The following DIAPH3 variants were observed in gnomAD, a reference collection of about 807,000 sequenced individuals.
The protein encoded by DIAPH3 is diaphanous related formin 3, also known as protein diaphanous homolog 3.
Under a neutral mutation model 144.3 loss-of-function variants are expected in DIAPH3, and 117 were observed. That is an observed-to-expected ratio of 0.81 (90% CI 0.70 to 0.95). DIAPH3 has a LOEUF of 0.95. DIAPH3 is among the 40% of genes least tolerant of loss of function. DIAPH3 has a pLI of 0.00. For missense variants in DIAPH3, 1,421 were observed against 1,412.7 expected (o/e 1.01, Z -0.09); for synonymous variants, 519 against 488.9 (o/e 1.06, Z -0.81).
chr13:60,058,197 A>C (rs1434121454), intron 4 of DIAPH3, among the ~76,000 whole-genome samples: 1 of 151,852 alleles, frequency 6.6e-6, no homozygotes, highest in Non-Finnish European at 1.5e-5. Context: ...AAAAAAAAAA[A>C]CCAGATAATT....
At chr13:59,929,958 T>C (rs2047943750) in intron 17 of DIAPH3, among the ~76,000 whole-genome samples, 1 of 152,180 alleles carries the variant, frequency 6.6e-6, no homozygotes, top group Non-Finnish European at 1.5e-5. Context: ...TGCAAGGTAA[T>C]TGCAAATAGA....
At chr13:59,758,269 T>C (rs897863842) in intron 27 of DIAPH3, among the ~76,000 whole-genome samples, 7 of 152,252 alleles carry the variant, frequency 4.6e-5, no homozygotes, top group Non-Finnish European at 7.3e-5. Flanking sequence ...TTAGCCATGT[T>C]ATTTGTAATG....
At chr13:59,861,385 T>G in intron 22 of DIAPH3, 22 bp downstream of exon 22, 1 of 1,613,570 alleles carries the variant, frequency 6.2e-7, no homozygotes, top group Non-Finnish European at 8.5e-7. Context: ...AGCCATGAAA[T>G]GTTTCTTAAA....
At chr13:60,027,273 A>T (rs182912931) in intron 5 of DIAPH3, among the ~76,000 whole-genome samples, 20 of 152,334 alleles carry the variant, frequency 1.3e-4, no homozygotes, top group African/African-American at 3.6e-4. Context: ...ATTACAGAGC[A>T]AGGCTGGGAA....
In DIAPH3 at chr13:59,783,470, T is replaced by C. The variant is rs144473401; in HGVS notation, c.3164-8647A>G. ...TGATTCAAGGCTTCTAGAGGGCTGA[T>C]AGAGTCACAGGTTTAAAACTTGGGA... On this transcript the variant is annotated intron_variant, in intron 25 of 27. Coordinates refer to ENST00000400324, the MANE Select transcript of DIAPH3 (RefSeq NM_001042517.2). Among the ~76,000 whole-genome samples the C allele has an allele frequency of 4.1e-4, 63 of 152,268 alleles. 2 individuals carry two copies. The East Asian group carries it at 0.011, about 27-fold the overall frequency.
chr13:60,144,435 G>T (rs1951412620), intron 1 of DIAPH3, among the ~76,000 whole-genome samples: 2 of 152,162 alleles, frequency 1.3e-5, no homozygotes, highest in Non-Finnish European at 2.9e-5. Context: ...ACCTGTGGGT[G>T]TATCTGCCTC....
chr13:59,824,612 G>C (rs1334075005), intron 24 of DIAPH3, among the ~76,000 whole-genome samples: 1 of 152,094 alleles, frequency 6.6e-6, no homozygotes, highest in African/African-American at 2.4e-5. Flanking sequence ...TAAGATGGGA[G>C]ATATATATAG....
At chr13:59,824,064 A>C (rs1044493299) in intron 24 of DIAPH3, among the ~76,000 whole-genome samples, 3 of 152,172 alleles carry the variant, frequency 2.0e-5, no homozygotes, top group Admixed American at 2.0e-4. Context: ...ATGAAACATA[A>C]ATTTAACAAA....
intron 5 of DIAPH3, among the ~76,000 whole-genome samples, chr13:60,026,724 G>GTGTC (rs893892347): frequency 4.6e-5 from 7 of 152,166 alleles, no homozygotes; most frequent in African/African-American, 1.7e-4. Flanking sequence ...TGTAGACAAA[G>GTGTC]TGTCTCTCTC....
chr13:60,103,328 T>C (rs547775673), intron 3 of DIAPH3, among the ~76,000 whole-genome samples: 1 of 152,118 alleles, frequency 6.6e-6, no homozygotes, highest in South Asian at 2.1e-4. Context: ...CAAGACAGCA[T>C]GCTCATTAAA....
chr13:60,083,277 A>T (rs183132167), intron 4 of DIAPH3, among the ~76,000 whole-genome samples: 1 of 152,096 alleles, frequency 6.6e-6, no homozygotes, highest in African/African-American at 2.4e-5. Context: ...TGAAATCAAT[A>T]TATTGAAAGC....
chr13:59,869,200 T>G (rs777163121), intron 21 of DIAPH3, among the ~76,000 whole-genome samples: 1 of 152,230 alleles, frequency 6.6e-6, no homozygotes, highest in Non-Finnish European at 1.5e-5. Flanking sequence ...ACTATATACT[T>G]ACCAGCACTT....
Position 59,791,994 on chromosome 13 carries a change from A to C in DIAPH3, c.3164-17171T>G, listed in dbSNP as rs141766965. 2.0e-3 allele frequency among the ~76,000 whole-genome samples: 299 copies of C among 152,266 alleles called. 5 individuals are homozygous for C. In the East Asian group the frequency reaches 0.024, roughly 12 times the overall value. ...AAACCACCATCACCATCATTCTTAGACAACAGTGTCCTTCTGATCTTTATT... is the reference window on the plus strand; with the variant it reads ...AAACCACCATCACCATCATTCTTAGCCAACAGTGTCCTTCTGATCTTTATT... On this transcript the variant is annotated intron_variant, in intron 25 of 27. Transcript: ENST00000400324.
At chr13:59,727,982 A>G (rs1402318594) in intron 27 of DIAPH3, among the ~76,000 whole-genome samples, 1 of 152,130 alleles carries the variant, frequency 6.6e-6, no homozygotes, top group East Asian at 1.9e-4. Flanking sequence ...CTTGTTGTCA[A>G]CTTTTAAAGA....
chr13:59,887,583 A>G (rs1301843013), intron 20 of DIAPH3, among the ~76,000 whole-genome samples: 3 of 152,114 alleles, frequency 2.0e-5, no homozygotes, highest in Admixed American at 1.3e-4. Context: ...CCTGCAAGAT[A>G]TCTATATTTT....
chr13:59,850,942 G>C (rs1327232875), intron 22 of DIAPH3, among the ~76,000 whole-genome samples: 1 of 147,202 alleles, frequency 6.8e-6, no homozygotes, highest in Non-Finnish European at 1.5e-5. Context: ...AATTCTACCA[G>C]AGGTACAAGG....
intron 27 of DIAPH3, among the ~76,000 whole-genome samples, chr13:59,699,206 T>G (rs2033975121): frequency 6.6e-6 from 1 of 152,236 alleles, no homozygotes; most frequent in South Asian, 2.1e-4. Context: ...GGGTTGTGGT[T>G]GCTACTTTAC....
intron 27 of DIAPH3, among the ~76,000 whole-genome samples, chr13:59,741,980 T>G (rs757969688): frequency 2.6e-5 from 4 of 152,104 alleles, no homozygotes; most frequent in Non-Finnish European, 5.9e-5. Context: ...GGAAAGAGGT[T>G]TAATGGACTC....
chr13:60,021,587 G>A (rs2054025012), intron 5 of DIAPH3, among the ~76,000 whole-genome samples: 1 of 150,504 alleles, frequency 6.6e-6, no homozygotes, highest in African/African-American at 2.5e-5. Context: ...TGGTGCCTGG[G>A]CTCCATCTTG....
Sources: gnomAD v4.1 joint callset for allele counts (sites outside exome capture counted in the v4.1 genomes callset) on GRCh38, gnomAD v4.1.1 for gene constraint, MANE v1.5 for transcripts, NCBI Gene and HGNC (gene_info 2026-07-23, HGNC 2026-07-21) for gene names.